Variants in NAPEPLD observed in about 807,000 individuals in gnomAD.
NAPEPLD encodes N-acyl phosphatidylethanolamine phospholipase D.
NAPEPLD carries 23 observed loss-of-function variants against 38.1 expected under a neutral mutation model. The ratio of observed to expected loss-of-function variants is 0.60; its 90% CI spans 0.43 to 0.86. The LOEUF (loss-of-function observed/expected upper bound fraction) is 0.86, where lower values mean the gene tolerates loss of function less well. Among genes scored for constraint, NAPEPLD ranks in the 40% least tolerant of loss-of-function variants. The pLI is 0.00. For synonymous variants in NAPEPLD, 147 were observed against 162.0 expected (o/e 0.91, Z 0.71); for missense variants, 411 against 476.8 (o/e 0.86, Z 1.28).
At chr7:103,115,968 G>A (rs1805472110) in intron 3 of NAPEPLD, among the ~76,000 whole-genome samples, 1 of 152,198 alleles carries the variant, frequency 6.6e-6, no homozygotes, top group Admixed American at 6.6e-5. Flanking sequence ...AACTGTCATG[G>A]TGATGGTGGG....
At chr7:103,106,347 G>A (rs573878300) in intron 4 of NAPEPLD, among the ~76,000 whole-genome samples, 1 of 151,940 alleles carries the variant, frequency 6.6e-6, no homozygotes, top group Non-Finnish European at 1.5e-5. Context: ...CTAGCTGCGG[G>A]AGCTTTTTTT....
chr7:103,106,139 G>A (rs755941423), intron 4 of NAPEPLD, among the ~76,000 whole-genome samples: 1 of 152,000 alleles, frequency 6.6e-6, no homozygotes, highest in Non-Finnish European at 1.5e-5. Context: ...GAAGAACAAG[G>A]GGTTGGGGAA....
chr7:103,105,719 G>T (rs925976396), intron 4 of NAPEPLD, among the ~76,000 whole-genome samples: 9 of 152,112 alleles, frequency 5.9e-5, no homozygotes, highest in Non-Finnish European at 5.9e-5. Context: ...GATCACCTGA[G>T]GTCAGGAGTT....
chr7:103,105,563 T>A (rs1380432343), intron 4 of NAPEPLD, among the ~76,000 whole-genome samples: 2 of 152,204 alleles, frequency 1.3e-5, no homozygotes, highest in East Asian at 1.9e-4. Flanking sequence ...TTTAGAGTAT[T>A]GCCAAGTTAA....
rs55798829 is a variant in NAPEPLD, at chr7:103,125,176, A to C, written c.294+3307T>G. On this transcript the variant is annotated intron_variant, in intron 2 of 4. Transcript: ENST00000465647. The stretch of plus-strand genomic sequence containing the variant: ...GTAATCTGCAACTCAGATTTTTTAA[A>C]TTAAAAAATAACATTTTTCTTTTTC... Among the ~76,000 whole-genome samples, 1,151 of 152,356 alleles carry C rather than the reference A, an allele frequency of 7.6e-3. 4 individuals are homozygous for C. The highest frequency in any genetic ancestry group is 0.012 in the Non-Finnish European group (797 of 68,026).
chr7:103,146,423 G>C (rs565387358), intron 1 of NAPEPLD, among the ~76,000 whole-genome samples: 6 of 152,012 alleles, frequency 3.9e-5, no homozygotes, highest in Admixed American at 3.9e-4. Flanking sequence ...ATTCATTCTT[G>C]TAATTGAGAG....
upstream of NAPEPLD, chr7:103,149,557 C>T (rs1018785808): frequency 2.0e-5 from 23 of 1,169,264 alleles, no homozygotes; most frequent in South Asian, 2.1e-4. Flanking sequence ...CGGTGGCCTC[C>T]TTCAGGCTGC....
chr7:103,103,405 TA>T lies in NAPEPLD; in HGVS notation c.*23del. On this transcript the variant is annotated 3_prime_UTR_variant, in exon 5 of 5. Coordinates refer to ENST00000465647, the MANE Select transcript of NAPEPLD (RefSeq NM_001122838.3). ...TAAACTTAGATGATGCCTTTTTCAT[TA>T]AAAGTGCCTGTGCTCACATTTATTA... 6.6e-7 allele frequency: 1 copy of T among 1,521,972 alleles called. No homozygotes were observed. The highest frequency in any genetic ancestry group is 1.3e-5 in the South Asian group (1 of 77,194). 94.3% of individuals were successfully genotyped at this position (1,521,972 alleles called of 1,614,324 possible).
At chr7:103,141,916 C>A in intron 1 of NAPEPLD, 2 of 993,402 alleles carry the variant, frequency 2.0e-6, no homozygotes, top group Non-Finnish European at 3.2e-6. Context: ...AGGCAAGCCT[C>A]TTCTGAAGCC....
At chr7:103,124,903 C>T (rs1807450381) in intron 2 of NAPEPLD, among the ~76,000 whole-genome samples, 1 of 152,120 alleles carries the variant, frequency 6.6e-6, no homozygotes. Context: ...TTTCACTAAG[C>T]CATGCTCCTT....
At chr7:103,112,625 G>C (rs1345160971) in intron 4 of NAPEPLD, among the ~76,000 whole-genome samples, 2 of 152,030 alleles carry the variant, frequency 1.3e-5, no homozygotes, top group Non-Finnish European at 2.9e-5. Flanking sequence ...CTACGGGAGG[G>C]ATAGCATTAG....
chr7:103,115,907 T>C (rs972403509), intron 3 of NAPEPLD, among the ~76,000 whole-genome samples: 1 of 152,162 alleles, frequency 6.6e-6, no homozygotes, highest in Non-Finnish European at 1.5e-5. Context: ...TTCTTGGTCA[T>C]TGCCATGGAA....
At chr7:103,107,410 T>C (rs1318531119) in intron 4 of NAPEPLD, among the ~76,000 whole-genome samples, 1 of 152,016 alleles carries the variant, frequency 6.6e-6, no homozygotes, top group African/African-American at 2.4e-5. Context: ...TTTGATGAAT[T>C]GACAGAAGCA....
At chr7:103,103,893 AT>A (rs1802776588) in intron 4 of NAPEPLD, among the ~76,000 whole-genome samples, 1 of 152,254 alleles carries the variant, frequency 6.6e-6, no homozygotes, top group Admixed American at 6.5e-5. Flanking sequence ...AGATGATGTT[AT>A]TAGAGAATTA....
At chr7:103,119,056 G>C (rs527504546) in intron 3 of NAPEPLD, among the ~76,000 whole-genome samples, 1 of 152,182 alleles carries the variant, frequency 6.6e-6, no homozygotes, top group African/African-American at 2.4e-5. Flanking sequence ...GGAGCAAAAG[G>C]TGGTTATATA....
intron 4 of NAPEPLD, among the ~76,000 whole-genome samples, chr7:103,113,589 GAC>G (rs1226737476): frequency 2.8e-5 from 4 of 142,420 alleles, no homozygotes; most frequent in African/African-American, 1.0e-4. Flanking sequence ...TTTTTTTAAA[GAC>G]AGAGTCTCAC....
chr7:103,124,460 GA>G (rs1046768187), intron 2 of NAPEPLD, among the ~76,000 whole-genome samples: 8 of 145,308 alleles, frequency 5.5e-5, no homozygotes, highest in Admixed American at 1.4e-4. Context: ...CTCCGTCTTA[GA>G]AAAAAAAAAG....
At chr7:103,107,401 T>C (rs545333191) in intron 4 of NAPEPLD, among the ~76,000 whole-genome samples, 1 of 151,932 alleles carries the variant, frequency 6.6e-6, no homozygotes. Context: ...CAGAATGAGT[T>C]TGATGAATTG....
intron 4 of NAPEPLD, among the ~76,000 whole-genome samples, chr7:103,110,477 C>G (rs1264663259): frequency 6.6e-6 from 1 of 152,146 alleles, no homozygotes; most frequent in Non-Finnish European, 1.5e-5. Flanking sequence ...GAACCAATGA[C>G]AAAAACCACA....
Sources: allele counts gnomAD v4.1 joint callset (sites outside exome capture counted in the v4.1 genomes callset), GRCh38; gene constraint gnomAD v4.1.1; transcripts MANE v1.5; gene names NCBI Gene and HGNC (gene_info 2026-07-23, HGNC 2026-07-21).